Variants in FAM131B observed in about 807,000 individuals in gnomAD.
FAM131B encodes family with sequence similarity 131 member B.
FAM131B carries 19 observed loss-of-function variants against 42.0 expected under a neutral mutation model. That is an observed-to-expected ratio of 0.45 (90% CI 0.32 to 0.66). FAM131B has a LOEUF of 0.66. Ranked by LOEUF, FAM131B falls within the 30% of genes least tolerant of loss-of-function variation. The pLI, the probability that FAM131B is intolerant of heterozygous loss-of-function variation, is 0.05. For missense variants in FAM131B, 370 were observed against 468.4 expected, an observed-to-expected ratio of 0.79 and a Z score of 1.94; for synonymous variants, 183 against 177.6, an observed-to-expected ratio of 1.03 and a Z score of -0.24.
chr7:143,360,552 G>A (rs1196609167), intron 1 of FAM131B: 12 of 307,822 alleles, frequency 3.9e-5, no homozygotes, highest in Non-Finnish European at 5.5e-5. Flanking sequence ...AGGGTGGAAG[G>A]GATGTGTCTC....
the FAM131B span, among the ~76,000 whole-genome samples, chr7:143,371,244 C>CTGAATTGT: frequency 2.0e-5 from 3 of 152,016 alleles, no homozygotes; most frequent in Non-Finnish European, 4.4e-5. Context: ...AATTAAGAGA[C>CTGAATTGT]TGAATTGTTT....
Position 143,359,901 on chromosome 7 carries a change from T to C in FAM131B, c.139-134A>G. 4 of 1,013,604 alleles carry C rather than the reference T, an allele frequency of 3.9e-6. No homozygotes were observed. Among genetic ancestry groups the C allele is most frequent in the Non-Finnish European group, 6.0e-6 (4 of 661,584 alleles). 62.8% of individuals were successfully genotyped at this position (1,013,604 alleles called of 1,614,324 possible). On this transcript the variant is annotated intron_variant, in intron 2 of 6. Transcript: ENST00000443739. This position sits in a 1 kb window ranked among gnomAD's most constrained non-coding sequence, Gnocchi z 5.4. ...CCTGAGGTTGATGCCGCTAACTGGG[T>C]TCTCCATGTGGACTGCTTGGCATGT...
the FAM131B span, chr7:143,381,140 C>G: frequency 1.0e-6 from 1 of 955,152 alleles, no homozygotes; most frequent in Non-Finnish European, 1.2e-6. Flanking sequence ...CGGACCTCGG[C>G]GGAGCCTCCG....
the FAM131B span, chr7:143,380,835 CG>C: frequency 1.1e-6 from 1 of 937,650 alleles, no homozygotes; most frequent in South Asian, 4.9e-5. This position sits in a 1 kb window ranked among gnomAD's most constrained non-coding sequence, Gnocchi z 5.0. Flanking sequence ...CAGGCGGACT[CG>C]GGGTGGCCGG....
the FAM131B span, among the ~76,000 whole-genome samples, chr7:143,377,044 C>T: frequency 7.2e-5 from 11 of 152,160 alleles, no homozygotes; most frequent in South Asian, 2.1e-4. Flanking sequence ...ATCTCGATCT[C>T]GGCTCACTGC....
upstream of FAM131B, among the ~76,000 whole-genome samples, chr7:143,365,981 G>T (rs1804170926): frequency 6.6e-6 from 1 of 152,122 alleles, no homozygotes; most frequent in Admixed American, 6.5e-5. Context: ...TGAACTCCTG[G>T]CCTCAAGCAA....
the FAM131B span, chr7:143,380,243 A>AAG: frequency 2.5e-5 from 25 of 984,636 alleles, no homozygotes; most frequent in Non-Finnish European, 3.0e-5. The surrounding 1 kb of genome is among the most constrained non-coding windows in gnomAD (Gnocchi z 5.0). Flanking sequence ...AAAAAAAAAA[A>AAG]AAAAAAGAAC....
intron 1 of FAM131B, chr7:143,360,729 G>A (rs1384262396): frequency 6.5e-6 from 1 of 153,082 alleles, no homozygotes; most frequent in Non-Finnish European, 1.5e-5. Flanking sequence ...TGTGGGGAGA[G>A]AAGTGATGGA....
chr7:143,357,612 A>T (rs1271914918), intron 5 of FAM131B, among the ~76,000 whole-genome samples, 189 bp from the exon 6 acceptor site: 1 of 152,220 alleles, frequency 6.6e-6, no homozygotes, highest in African/African-American at 2.4e-5. Context: ...GAAATAATAG[A>T]TCTTATTTAA....
At chr7:143,361,193 G>C (rs1445507432) in intron 1 of FAM131B, 1 of 152,552 alleles carries the variant, frequency 6.6e-6, no homozygotes, top group Non-Finnish European at 1.5e-5. Flanking sequence ...GAAGGGGCTT[G>C]TGGTGAACCG....
chr7:143,377,761 T>C, the FAM131B span, among the ~76,000 whole-genome samples: 1 of 152,188 alleles, frequency 6.6e-6, no homozygotes, highest in African/African-American at 2.4e-5. Context: ...TCACCCAGGC[T>C]GGTATGCAGT....
Position 143,360,020 on chromosome 7 carries a change from G to T in FAM131B, c.138+20C>A, listed in dbSNP as rs1384629332. 1.3e-6 allele frequency: 2 copies of T among 1,570,104 alleles called. No individual in the cohort carries two copies. Among genetic ancestry groups the T allele is most frequent in the East Asian group, 2.2e-5 (1 of 44,600 alleles). On this transcript the variant is annotated intron_variant, in intron 2 of 6. Transcript: ENST00000443739. ...AAGTGCAGGCAGCCAGAGACTTGGG[G>T]TGGCTGAGTGAGGTCTCACCTCAGT...
At chr7:143,374,116 G>C in the FAM131B span, among the ~76,000 whole-genome samples, 1 of 151,912 alleles carries the variant, frequency 6.6e-6, no homozygotes, top group East Asian at 1.9e-4. Flanking sequence ...GCTTCAAATT[G>C]CTATTTGGAG....
At chr7:143,377,478 T>C in the FAM131B span, among the ~76,000 whole-genome samples, 3 of 152,086 alleles carry the variant, frequency 2.0e-5, no homozygotes, top group Non-Finnish European at 2.9e-5. Context: ...GGGCTGTTGA[T>C]GGACCAGGTA....
the FAM131B span, chr7:143,381,442 G>C: frequency 7.8e-7 from 1 of 1,283,612 alleles, no homozygotes. Flanking sequence ...GCGGCCCCAC[G>C]GGGAGGGGGC....
chr7:143,382,157 T>C, the FAM131B span: 7 of 1,104,832 alleles, frequency 6.3e-6, no homozygotes, highest in Non-Finnish European at 9.1e-6. Flanking sequence ...CTGAGAGAGT[T>C]CTTGGGTTAG....
At chr7:143,382,228 C>T in the FAM131B span, 57 of 1,609,358 alleles carry the variant, frequency 3.5e-5, no homozygotes, top group Non-Finnish European at 4.3e-5. Context: ...CGGCCGACGT[C>T]TTTCTCCTTC....
At chr7:143,361,986 T>TGC in intron 1 of FAM131B, 3 of 887,164 alleles carry the variant, frequency 3.4e-6, no homozygotes, top group Non-Finnish European at 2.7e-6. Flanking sequence ...CCCGGGCTCA[T>TGC]CCCGCCCCCG....
the FAM131B span, among the ~76,000 whole-genome samples, chr7:143,369,254 C>T: frequency 2.0e-5 from 3 of 152,220 alleles, no homozygotes; most frequent in African/African-American, 7.2e-5. Flanking sequence ...AGATGCACCC[C>T]TAAAGCTATG....
Sources: allele counts gnomAD v4.1 joint callset (sites outside exome capture counted in the v4.1 genomes callset), GRCh38; gene constraint gnomAD v4.1.1; non-coding constraint Gnocchi (gnomAD v3.1); transcripts MANE v1.5; gene names NCBI Gene and HGNC (gene_info 2026-07-23, HGNC 2026-07-21).